SYNPR: variants seen among roughly 807,000 people sequenced by gnomAD.
The protein encoded by SYNPR is synaptoporin.
Under a neutral mutation model 32.9 loss-of-function variants are expected in SYNPR, and 23 were observed. That is an observed-to-expected ratio of 0.70 (90% CI 0.50 to 0.99). SYNPR has a LOEUF of 0.99. SYNPR is among the 50% of genes least tolerant of loss of function. The pLI, the probability that SYNPR is intolerant of heterozygous loss-of-function variation, is 0.00. For synonymous variants in SYNPR, 146 were observed against 135.9 expected (o/e 1.07, Z -0.52); for missense variants, 318 against 349.3 (o/e 0.91, Z 0.71).
the SYNPR span, among the ~76,000 whole-genome samples, chr3:63,207,722 C>T: frequency 1.8e-3 from 270 of 152,210 alleles, no homozygotes; most frequent in Admixed American, 4.1e-3. Context: ...GTCATCTTCT[C>T]GTCTTTCTAA....
At chr3:63,607,040 T>A (rs6770790) in intron 4 of SYNPR, among the ~76,000 whole-genome samples, 6,554 of 152,304 alleles carry the variant, frequency 0.043, 330 homozygotes, top group African/African-American at 0.12. Flanking sequence ...CAATTTCCAA[T>A]TGAAAGGTCT....
At chr3:63,281,409 TG>T (rs34323077) in intron 2 of SYNPR, among the ~76,000 whole-genome samples, 1 of 152,212 alleles carries the variant, frequency 6.6e-6, no homozygotes, top group Admixed American at 6.5e-5. Context: ...ATCTTAGTTT[TG>T]GGGGTTGCTA....
chr3:63,350,675 G>A (rs1282646296), intron 2 of SYNPR, among the ~76,000 whole-genome samples: 2 of 152,210 alleles, frequency 1.3e-5, no homozygotes, highest in East Asian at 3.9e-4. Context: ...AAAGCAGGCT[G>A]GCTGTTAGAA....
At chr3:63,227,848 A>G (rs537949865), upstream of SYNPR, among the ~76,000 whole-genome samples, 1 of 152,296 alleles carries the variant, frequency 6.6e-6, no homozygotes, top group East Asian at 1.9e-4. Flanking sequence ...TCTAACTCCA[A>G]GAGTTAGAAG....
intron 3 of SYNPR, among the ~76,000 whole-genome samples, chr3:63,509,094 A>G (rs1219583217): frequency 6.6e-6 from 1 of 151,344 alleles, no homozygotes; most frequent in East Asian, 1.9e-4. Context: ...ATACTCATGT[A>G]CCTTTCAGCA....
At chr3:63,526,316 C>T (rs141256253) in intron 3 of SYNPR, among the ~76,000 whole-genome samples, 351 of 152,316 alleles carry the variant, frequency 2.3e-3, no homozygotes, top group Middle Eastern at 0.017. Context: ...TATTCTCCAT[C>T]CCCTTGCTCT....
At chr3:63,295,771 C>T (rs959366875) in intron 2 of SYNPR, among the ~76,000 whole-genome samples, 4 of 152,226 alleles carry the variant, frequency 2.6e-5, no homozygotes, top group Admixed American at 6.5e-5. Flanking sequence ...GTTGCCTAGG[C>T]AAATGATGGG....
intron 2 of SYNPR, among the ~76,000 whole-genome samples, chr3:63,283,039 G>A (rs1033665184): frequency 6.6e-6 from 1 of 152,216 alleles, no homozygotes; most frequent in African/African-American, 2.4e-5. Context: ...TTGAGATGCA[G>A]TAGGTAGAGA....
At chr3:63,313,788 TATATATATCC>T (rs2087000595) in intron 2 of SYNPR, among the ~76,000 whole-genome samples, 1 of 33,900 alleles carries the variant, frequency 2.9e-5, no homozygotes, top group Admixed American at 4.1e-4. Flanking sequence ...TATATCCATA[TATATATATCC>T]ATATATATAT....
At chr3:63,218,057 C>T in the SYNPR span, among the ~76,000 whole-genome samples, 2 of 152,028 alleles carry the variant, frequency 1.3e-5, no homozygotes, top group Non-Finnish European at 2.9e-5. Flanking sequence ...TCAAGGGCAA[C>T]GGGAGGTGGA....
chr3:63,466,909 G>A (rs1700693235), intron 2 of SYNPR, among the ~76,000 whole-genome samples: 1 of 152,092 alleles, frequency 6.6e-6, no homozygotes, highest in African/African-American at 2.4e-5. Flanking sequence ...TGCAAATTTG[G>A]GAGGGATACA....
chr3:63,276,620 T>TCCCCCCC (rs11398109), upstream of SYNPR, among the ~76,000 whole-genome samples: 31 of 142,000 alleles, frequency 2.2e-4, no homozygotes, highest in Non-Finnish European at 3.5e-4. Flanking sequence ...TAGTGTTAGT[T>TCCCCCCC]CCCCCCACCC....
intron 2 of SYNPR, among the ~76,000 whole-genome samples, chr3:63,298,169 A>G (rs1271728421): frequency 2.0e-5 from 3 of 152,186 alleles, no homozygotes; most frequent in Non-Finnish European, 1.5e-5. Flanking sequence ...ACTATAAACT[A>G]AATTCCTCCA....
intron 2 of SYNPR, among the ~76,000 whole-genome samples, chr3:63,290,033 G>A (rs1253389709): frequency 6.6e-6 from 1 of 151,978 alleles, no homozygotes; most frequent in African/African-American, 2.4e-5. Context: ...GGGAGGCTGA[G>A]GCAGGAGAAT....
At chr3:63,330,750 C>T (rs2087218886) in intron 2 of SYNPR, among the ~76,000 whole-genome samples, 1 of 151,990 alleles carries the variant, frequency 6.6e-6, no homozygotes, top group Non-Finnish European at 1.5e-5. Context: ...TTCTGTTTTA[C>T]AGATAAGAAA....
intron 2 of SYNPR, among the ~76,000 whole-genome samples, chr3:63,319,094 T>C (rs767730060): frequency 1.3e-5 from 2 of 152,026 alleles, no homozygotes; most frequent in Non-Finnish European, 2.9e-5. Context: ...TCTGCACAGA[T>C]TCCTGTGATG....
chr3:63,288,439 T>G (rs1366090331), intron 2 of SYNPR, among the ~76,000 whole-genome samples: 1 of 152,228 alleles, frequency 6.6e-6, no homozygotes, highest in East Asian at 1.9e-4. Flanking sequence ...TTTGAGATTT[T>G]GGCATCAGTA....
In SYNPR at chr3:63,376,272, C is replaced by T. The variant is rs146473329; in HGVS notation, c.84+97530C>T. Among the ~76,000 whole-genome samples the T allele has an allele frequency of 3.3e-5, 5 of 152,314 alleles. No individual in the cohort carries two copies. In the East Asian group the frequency reaches 9.7e-4, roughly 29 times the overall value. The stretch of plus-strand genomic sequence containing the variant: ...ACCTCTCTAAAATCTGTTCTCTACA[C>T]ATATGCAAGAATGATCTTGTTATAA... On this transcript the variant is annotated intron_variant, in intron 2 of 5. Transcript: ENST00000478300.
chr3:63,445,003 C>G (rs899039053), intron 2 of SYNPR, among the ~76,000 whole-genome samples: 5 of 151,546 alleles, frequency 3.3e-5, no homozygotes, highest in Admixed American at 1.3e-4. Flanking sequence ...TGGGCTGTTG[C>G]CAATTACTGC....
Sources: allele counts gnomAD v4.1 joint callset (sites outside exome capture counted in the v4.1 genomes callset), GRCh38; gene constraint gnomAD v4.1.1; transcripts MANE v1.5; gene names NCBI Gene and HGNC (gene_info 2026-07-23, HGNC 2026-07-21).